KIF7: variants seen among roughly 807,000 people sequenced by gnomAD.
The protein encoded by KIF7 is kinesin-like protein KIF7.
In KIF7, 104 loss-of-function variants were observed where a neutral mutation model predicts 135.7. The ratio of observed to expected loss-of-function variants is 0.77; its 90% CI spans 0.65 to 0.90. The LOEUF (loss-of-function observed/expected upper bound fraction) is 0.90. Ranked by LOEUF, KIF7 falls within the 40% of genes least tolerant of loss-of-function variation. The pLI is 0.00. For missense variants in KIF7, 2,005 were observed against 1,839.1 expected, an observed-to-expected ratio of 1.09 and a Z score of -1.65; for synonymous variants, 883 against 809.4, an observed-to-expected ratio of 1.09 and a Z score of -1.54.
Position 89,645,405 on chromosome 15 carries a change from T to C in KIF7, c.1969A>G (p.Ser657Gly), listed in dbSNP as rs768662526. 6.2e-7 allele frequency: 1 copy of C among 1,613,988 alleles called. No individual in the cohort carries two copies. Among genetic ancestry groups the C allele is most frequent in the Non-Finnish European group, 8.5e-7 (1 of 1,179,924 alleles). ...CSQRAGARPG[S>G]LPERKGPELC... ...TCTGGGCCCTTCCTCTCTGGCAGAC[T>C]CCCTGGGCGTGCCCCCGCCCTCTGA... The change falls in exon 9 of 19, where the codon AGT becomes GGT. Residue 657 changes from serine to glycine, a missense_variant. Physicochemically the swap from Ser to Gly is moderately conservative, Grantham distance 56 (BLOSUM62 0). Transcript: ENST00000394412.
At chr15:89,635,748 ACT>A (rs1963793261) in intron 11 of KIF7, among the ~76,000 whole-genome samples, 1 of 152,190 alleles carries the variant, frequency 6.6e-6, no homozygotes, top group South Asian at 2.1e-4. Context: ...GTTGGAAAAC[ACT>A]CTGCAGGATA....
chr15:89,625,682 G>T, downstream of KIF7: 1 of 1,613,784 alleles, frequency 6.2e-7, no homozygotes, highest in Non-Finnish European at 8.5e-7. Context: ...AAAAGGATCT[G>T]TGACCTGAGA....
At chr15:89,624,328 C>T, downstream of KIF7, 1 of 1,614,182 alleles carries the variant, frequency 6.2e-7, no homozygotes, top group South Asian at 1.1e-5. Context: ...AGAACTGGAT[C>T]AGAAAGAGCC....
intron 11 of KIF7, among the ~76,000 whole-genome samples, chr15:89,639,647 T>G (rs1246107103): frequency 1.5e-5 from 2 of 136,096 alleles, no homozygotes; most frequent in South Asian, 2.6e-4. Context: ...AAACAACAGG[T>G]GCTGGAGAGG....
At chr15:89,617,953 AGGTGCTG>A in intron 2 of KIF7, 1 of 629,850 alleles carries the variant, frequency 1.6e-6, no homozygotes, top group Middle Eastern at 4.0e-4. Flanking sequence ...TAGCCTCCTA[AGGTGCTG>A]GGATTACAGG....
At chr15:89,645,536 GC>G in intron 8 of KIF7, 85 bp from the exon 9 acceptor site, 1 of 1,072,248 alleles carries the variant, frequency 9.3e-7, no homozygotes, top group Non-Finnish European at 1.4e-6. Flanking sequence ...AAGAAGAGAG[GC>G]CACCGGGTCT....
intron 10 of KIF7, among the ~76,000 whole-genome samples, chr15:89,644,010 G>C (rs1049371991): frequency 1.3e-5 from 2 of 151,646 alleles, no homozygotes; most frequent in African/African-American, 4.8e-5. Flanking sequence ...GGGAAGAAAG[G>C]ACATGAAGTC....
In KIF7 at chr15:89,645,938, T is replaced by C; in HGVS notation, c.1877A>G (p.Glu626Gly). 1.2e-6 allele frequency: 2 copies of C among 1,613,756 alleles called. No homozygotes were observed. The highest frequency in any genetic ancestry group is 1.7e-6 in the Non-Finnish European group (2 of 1,179,976). ...CCTGGGCGGCTCCTCCTCCTCCTCTTCCTCCTCTGAAGCAGCTGAAGAGCC... is the reference window on the plus strand; with the variant it reads ...CCTGGGCGGCTCCTCCTCCTCCTCTCCCTCCTCTGAAGCAGCTGAAGAGCC... ...GSGSSAASEE[E>G]EEEEEPPRRT... The change falls in exon 8 of 19, where the codon GAA (glutamate) becomes GGA (glycine). Residue 626 changes from glutamate to glycine, a missense_variant. Coordinates refer to ENST00000394412, the MANE Select transcript of KIF7 (RefSeq NM_198525.3).
intron 10 of KIF7, among the ~76,000 whole-genome samples, chr15:89,644,376 C>T (rs1216888397): frequency 1.3e-5 from 2 of 151,994 alleles, no homozygotes; most frequent in Non-Finnish European, 2.9e-5. Flanking sequence ...TGCAGGCACT[C>T]GATAAGTAAG....
At position 89,649,959 on chromosome 15, in the gene KIF7, G is replaced by A; in HGVS notation, c.329-18C>T. On this transcript the variant is annotated intron_variant, in intron 2 of 18. Coordinates refer to ENST00000394412, the MANE Select transcript of KIF7 (RefSeq NM_198525.3). The stretch of plus-strand genomic sequence containing the variant: ...GAGGGAGGCTGGGGAGACACCGCAG[G>A]GCCTCCTGCCACTTCAGCTGGACAC... 1.9e-6 allele frequency: 3 copies of A among 1,548,088 alleles called. No homozygotes were observed. Among genetic ancestry groups the A allele is most frequent in the Non-Finnish European group, 2.6e-6 (3 of 1,146,488 alleles).
At position 89,647,792 on chromosome 15, in the gene KIF7, GCTTT is replaced by G; in HGVS notation, c.1444-84_1444-81del. 4 of 1,089,394 alleles carry G rather than the reference GCTTT, an allele frequency of 3.7e-6. No individual in the cohort carries two copies. In the South Asian group the frequency reaches 5.7e-5, roughly 16 times the overall value. 67.5% of individuals were successfully genotyped at this position (1,089,394 alleles called of 1,614,324 possible). ...ACCCGGCCTCTTCTTGTTTAGCCCT[GCTTT>G]CTATCTACTCTTCCAAGCCCTACCT... On this transcript the variant is annotated intron_variant, in intron 5 of 18. Coordinates refer to ENST00000394412, the MANE Select transcript of KIF7 (RefSeq NM_198525.3).
intron 11 of KIF7, among the ~76,000 whole-genome samples, chr15:89,636,161 A>G (rs1233314284): frequency 6.6e-6 from 1 of 152,188 alleles, no homozygotes. Flanking sequence ...CCTGCCCTAA[A>G]AGAGCTCCTG....
At chr15:89,633,933 C>T (rs1414771089) in intron 11 of KIF7, 50 bp from the exon 12 acceptor site, 4 of 1,596,780 alleles carry the variant, frequency 2.5e-6, no homozygotes, top group Non-Finnish European at 3.4e-6. Context: ...TACCGCGAGC[C>T]TGCCATAGTG....
Position 89,645,928 on chromosome 15 carries a change from C to G in KIF7, c.1887G>C (p.Glu629Asp). Residue 629 changes from glutamate (E) to aspartate (D), a missense_variant, in exon 8 of 19, where the codon GAG (glutamate) becomes GAC (aspartate). Transcript: ENST00000394412. Reference protein sequence around the residue: ...SSAASEEEEEEEEPPRRTLHL... With the variant: ...SSAASEEEEEDEEPPRRTLHL... ...GTAAGGTCCGCCTGGGCGGCTCCTC[C>G]TCCTCCTCTTCCTCCTCTGAAGCAG... The G allele has an allele frequency of 6.2e-7, 1 of 1,613,832 alleles. No individual in the cohort carries two copies. Among genetic ancestry groups the G allele is most frequent in the South Asian group, 1.1e-5 (1 of 91,082 alleles).
At chr15:89,647,084 G>A in intron 6 of KIF7, 27 bp from the exon 7 acceptor site, 2 of 1,548,856 alleles carry the variant, frequency 1.3e-6, no homozygotes, top group Non-Finnish European at 1.7e-6. Flanking sequence ...AGGTGCCAAG[G>A]GGGCATGAAT....
At chr15:89,628,859 C>A (rs1963598319) in intron 18 of KIF7, 73 bp from the exon 19 acceptor site, 2 of 1,610,078 alleles carry the variant, frequency 1.2e-6, no homozygotes, top group Non-Finnish European at 1.7e-6. Flanking sequence ...CTCCCCAGTG[C>A]CCCAGCACAA....
chr15:89,621,604 A>G (rs1482101633), intron 1 of KIF7: 50 of 1,471,116 alleles, frequency 3.4e-5, no homozygotes, highest in African/African-American at 4.2e-5. Flanking sequence ...ACACAGAGAC[A>G]TGGCCAAGGA....
At chr15:89,627,076 A>G (rs752837991), downstream of KIF7, 1 of 1,614,046 alleles carries the variant, frequency 6.2e-7, no homozygotes, top group African/African-American at 1.3e-5. Flanking sequence ...ACCTGGCTGG[A>G]GGACTTATAG....
In KIF7 at chr15:89,631,625, T is replaced by C. The variant is rs138410949; in HGVS notation, c.2981A>G (p.Gln994Arg). 2.7e-3 allele frequency: 4,201 copies of C among 1,561,306 alleles called. 9 individuals carry two copies. Among genetic ancestry groups the C allele is most frequent in the Admixed American group, 3.8e-3 (202 of 53,300 alleles). The change falls in exon 15 of 19, where the codon CAG becomes CGG. Residue 994 changes from glutamine (Q) to arginine (R), a missense_variant. Physicochemically the swap from Gln to Arg is conservative, Grantham distance 43. Coordinates refer to ENST00000394412, the MANE Select transcript of KIF7 (RefSeq NM_198525.3). ...CTGCTGCTGGCTCTGGGCGCTGCCC[T>C]GCCGCAGCTGCCCGCTCTTCTCGGA... ...ELSEKSGQLR[Q>R]GSAQSQQQIR...
Sources: allele counts gnomAD v4.1 joint callset (sites outside exome capture counted in the v4.1 genomes callset), GRCh38; gene constraint gnomAD v4.1.1; transcripts MANE v1.5; gene names NCBI Gene and HGNC (gene_info 2026-07-23, HGNC 2026-07-21).